The following TCF4 variants were observed in gnomAD, a reference collection of about 807,000 sequenced individuals.
TCF4 encodes SL3-3 enhancer factor 2.
Under a neutral mutation model 82.1 loss-of-function variants are expected in TCF4, and 3 were observed. The observed-to-expected ratio is 0.04, with a 90% CI of 0.02 to 0.09. The LOEUF is 0.09. Ranked by LOEUF, TCF4 falls within the 10% of genes least tolerant of loss-of-function variation. The pLI is 1.00. For missense variants in TCF4, 518 were observed against 852.7 expected (o/e 0.61, Z 4.89); for synonymous variants, 276 against 309.6 (o/e 0.89, Z 1.14).
chr18:55,500,773 A>C (rs2096689495), intron 3 of TCF4, among the ~76,000 whole-genome samples: 1 of 152,212 alleles, frequency 6.6e-6, no homozygotes, highest in Non-Finnish European at 1.5e-5. Flanking sequence ...CATATGTTAG[A>C]GTTAGCATTA....
chr18:55,229,882 T>G (rs112675011), intron 17 of TCF4: 1 of 152,314 alleles, frequency 6.6e-6, no homozygotes, highest in Non-Finnish European at 1.5e-5. Context: ...TGAATGACCA[T>G]GACCTCATTG....
chr18:55,458,724 C>T (rs377321319), intron 5 of TCF4, among the ~76,000 whole-genome samples: 3 of 152,164 alleles, frequency 2.0e-5, no homozygotes, highest in East Asian at 1.9e-4. Flanking sequence ...GAAATTATAG[C>T]GATGGGAAGT....
intron 5 of TCF4, among the ~76,000 whole-genome samples, chr18:55,454,402 T>G (rs995414327): frequency 6.6e-6 from 1 of 152,190 alleles, no homozygotes; most frequent in African/African-American, 2.4e-5. Context: ...GGCTTTTCAT[T>G]CAACGTTTAA....
intron 6 of TCF4, among the ~76,000 whole-genome samples, chr18:55,392,391 G>T (rs1054115167): frequency 1.8e-4 from 27 of 150,366 alleles, no homozygotes; most frequent in African/African-American, 5.2e-4. Flanking sequence ...GGCTGAGGTG[G>T]GAAGACTGAT....
chr18:55,582,267 G>A (rs1190111861), intron 3 of TCF4, among the ~76,000 whole-genome samples: 2 of 152,052 alleles, frequency 1.3e-5, no homozygotes, highest in Non-Finnish European at 2.9e-5. Context: ...GCATGTGGAT[G>A]CTTTTAGTTT....
rs1277674088 is a variant in TCF4 at position 55,553,010 on chromosome 18, A to T, written c.145+32270T>A. 4.1e-4 allele frequency among the ~76,000 whole-genome samples: 63 copies of T among 152,194 alleles called. 2 individuals carry two copies. Among genetic ancestry groups the T allele is most frequent in the Admixed American group, 4.1e-3 (63 of 15,278 alleles). ...TAGGAAGAACAGAAACCACAGAGGG[A>T]GAAAAAGCACAGAAGTGTCACATAC... On this transcript the variant is annotated intron_variant, in intron 3 of 19. Transcript: ENST00000354452.
At chr18:55,453,798 A>G (rs2095675335) in intron 5 of TCF4, among the ~76,000 whole-genome samples, 1 of 150,164 alleles carries the variant, frequency 6.7e-6, no homozygotes, top group Non-Finnish European at 1.5e-5. Flanking sequence ...CAAATTATTT[A>G]TAATAATAAT....
intron 5 of TCF4, among the ~76,000 whole-genome samples, chr18:55,424,517 C>T (rs2094903167): frequency 6.6e-6 from 1 of 152,144 alleles, no homozygotes; most frequent in African/African-American, 2.4e-5. Flanking sequence ...CTATGGCTTG[C>T]AGCTTTCCTT....
intron 8 of TCF4, chr18:55,321,641 A>C (rs1249023725): frequency 6.5e-7 from 1 of 1,535,992 alleles, no homozygotes; most frequent in African/African-American, 1.4e-5. Flanking sequence ...ACTTGTCAAA[A>C]ATCCCCCTCG....
At chr18:55,271,232 C>T (rs2060296461) in intron 10 of TCF4, among the ~76,000 whole-genome samples, 2 of 152,066 alleles carry the variant, frequency 1.3e-5, no homozygotes, top group African/African-American at 2.4e-5. Context: ...TTACATTCTG[C>T]ACTATTGTCT....
At chr18:55,393,117 C>G (rs939557307) in intron 6 of TCF4, among the ~76,000 whole-genome samples, 2 of 152,154 alleles carry the variant, frequency 1.3e-5, no homozygotes, top group Admixed American at 6.5e-5. Flanking sequence ...ATAATCACAG[C>G]ATTTTGGAAA....
intron 8 of TCF4, among the ~76,000 whole-genome samples, chr18:55,294,151 T>C (rs1264935848): frequency 6.6e-6 from 1 of 151,082 alleles, no homozygotes; most frequent in Non-Finnish European, 1.5e-5. Flanking sequence ...TCCCAGCTAC[T>C]TGGGGGGCTG....
intron 8 of TCF4, among the ~76,000 whole-genome samples, chr18:55,347,863 A>T (rs1053013152): frequency 6.6e-6 from 1 of 152,220 alleles, no homozygotes; most frequent in Non-Finnish European, 1.5e-5. Context: ...AAGAAAACAT[A>T]TAAGTGTCTT....
At chr18:55,305,846 T>A (rs1430902531) in intron 8 of TCF4, among the ~76,000 whole-genome samples, 1 of 152,192 alleles carries the variant, frequency 6.6e-6, no homozygotes, top group Non-Finnish European at 1.5e-5. Context: ...ACTGATAGGA[T>A]AATGCCCTTC....
intron 3 of TCF4, chr18:55,496,130 A>C (rs909074501): frequency 7.9e-5 from 12 of 152,338 alleles, no homozygotes; most frequent in African/African-American, 2.4e-4. Context: ...AAACTACTAC[A>C]GCGTAAGCCT....
intron 8 of TCF4, among the ~76,000 whole-genome samples, chr18:55,315,339 G>T (rs1374924376): frequency 6.6e-6 from 1 of 152,094 alleles, no homozygotes; most frequent in Non-Finnish European, 1.5e-5. Flanking sequence ...ATGAATATGT[G>T]CAGATTTCTT....
chr18:55,554,145 C>T (rs2097283744), intron 3 of TCF4, among the ~76,000 whole-genome samples: 1 of 151,912 alleles, frequency 6.6e-6, no homozygotes, highest in Admixed American at 6.6e-5. Context: ...GATGACAGAA[C>T]CCTAATTCTA....
intron 8 of TCF4, among the ~76,000 whole-genome samples, chr18:55,349,678 C>A (rs962617721): frequency 6.6e-6 from 1 of 151,582 alleles, no homozygotes; most frequent in East Asian, 1.9e-4. Flanking sequence ...TATCTAGGAA[C>A]GTAAGAATTC....
intron 2 of TCF4, among the ~76,000 whole-genome samples, chr18:55,610,380 C>G (rs1189405612): frequency 1.3e-5 from 2 of 152,130 alleles, no homozygotes; most frequent in Admixed American, 6.6e-5. Flanking sequence ...ATTTTCAGTG[C>G]CTTGTTGGAC....
Sources: allele counts gnomAD v4.1 joint callset (sites outside exome capture counted in the v4.1 genomes callset), GRCh38; gene constraint gnomAD v4.1.1; transcripts MANE v1.5; gene names NCBI Gene and HGNC (gene_info 2026-07-23, HGNC 2026-07-21).